Variants in EPHX1 observed in about 807,000 individuals in gnomAD.
EPHX1 encodes the protein epoxide hydrolase 1.
In EPHX1, 40 loss-of-function variants were observed where a neutral mutation model predicts 43.2. The observed-to-expected ratio is 0.93, with a 90% CI of 0.72 to 1.21. The LOEUF (loss-of-function observed/expected upper bound fraction) is 1.21. Among genes scored for constraint, EPHX1 ranks in the 50% most tolerant of loss-of-function variants. The pLI is 0.00. For missense variants in EPHX1, 550 were observed against 570.4 expected, an observed-to-expected ratio of 0.96 and a Z score of 0.36; for synonymous variants, 221 against 226.7, an observed-to-expected ratio of 0.98 and a Z score of 0.22.
chr1:225,838,618 C>G (rs750987129), intron 3 of EPHX1, 36 bp from the exon 4 acceptor site: 31 of 1,581,504 alleles, frequency 2.0e-5, no homozygotes, highest in Non-Finnish European at 2.6e-5. Context: ...AGGGTCTTCT[C>G]TCTCCCTCCA....
At chr1:225,842,327 C>T (rs1423300429) in intron 6 of EPHX1, 39 bp from the exon 7 acceptor site, 1 of 1,449,036 alleles carries the variant, frequency 6.9e-7, no homozygotes, top group Non-Finnish European at 9.7e-7. Flanking sequence ...CTCTGGTCCC[C>T]AGGCCTGAGT....
At chr1:225,831,486 G>T (rs1667585100) in intron 2 of EPHX1, among the ~76,000 whole-genome samples, 2 of 151,954 alleles carry the variant, frequency 1.3e-5, no homozygotes, top group Non-Finnish European at 2.9e-5. Flanking sequence ...GGTGGGGGTT[G>T]CAGTGGGCCG....
chr1:225,821,565 C>CTTTTTTTTTTTTTTTTTTTTTTT (rs869228485), intron 1 of EPHX1, among the ~76,000 whole-genome samples: 1 of 69,864 alleles, frequency 1.4e-5, no homozygotes, highest in Admixed American at 1.8e-4. Context: ...TTTTTTGGTT[C>CTTTTTTTTTTTTTTTTTTTTTTT]TTTTTTTTTT....
rs1575968075 is a variant in EPHX1 at position 225,810,959 on chromosome 1, G to T, written c.-6+790G>T. On this transcript the variant is annotated intron_variant, in intron 1 of 8. Coordinates refer to ENST00000272167, the MANE Select transcript of EPHX1 (RefSeq NM_001136018.4). ...AGGCCACAGGGGATATGATGGCTTA[G>T]CTTCGGCTCAGAGGCCTGACACTGA... 2.0e-5 allele frequency among the ~76,000 whole-genome samples: 3 copies of T among 152,212 alleles called. No homozygotes were observed. In the East Asian group the frequency reaches 5.8e-4, roughly 29 times the overall value.
chr1:225,838,536 GGGGCGGC>G, intron 3 of EPHX1, 111 bp from the exon 4 acceptor site: 1 of 816,418 alleles, frequency 1.2e-6, no homozygotes, highest in Non-Finnish European at 2.0e-6. Flanking sequence ...ATACCATGAA[GGGGCGGC>G]GGGGGCACTA....
rs192682888 is a variant in EPHX1, at chr1:225,833,750, A to G, written c.364+1791A>G. ...ATGGAGCTTGTGGTGAGCTGAGATC[A>G]CACCACTGCACTCCAGCCTGGGCGA... On this transcript the variant is annotated intron_variant, in intron 3 of 8. Transcript: ENST00000272167. 8.1e-3 allele frequency among the ~76,000 whole-genome samples: 1,191 copies of G among 147,074 alleles called. 12 individuals are homozygous for G. The highest frequency in any genetic ancestry group is 0.012 in the Non-Finnish European group (826 of 67,132).
At chr1:225,824,954 C>T (rs1667160514) in intron 1 of EPHX1, among the ~76,000 whole-genome samples, 2 of 152,200 alleles carry the variant, frequency 1.3e-5, no homozygotes, top group Admixed American at 6.5e-5. Context: ...GCAGTAGAGC[C>T]TATTTGTAAT....
chr1:225,828,648 C>CT, intron 1 of EPHX1, 77 bp from the exon 2 acceptor site: 1 of 1,493,738 alleles, frequency 6.7e-7, no homozygotes. Context: ...AAAGAGCCTG[C>CT]TGGGGATCAG....
chr1:225,843,780 G>A (rs1021615937), intron 7 of EPHX1, among the ~76,000 whole-genome samples: 1 of 152,250 alleles, frequency 6.6e-6, no homozygotes, highest in Admixed American at 6.5e-5. Flanking sequence ...GGAGATGGAA[G>A]CACTTGGCCA....
intron 1 of EPHX1, among the ~76,000 whole-genome samples, chr1:225,818,153 G>A (rs1183106000): frequency 6.6e-6 from 1 of 152,180 alleles, no homozygotes; most frequent in African/African-American, 2.4e-5. Context: ...GGCTAAGTAG[G>A]TTATATTTAT....
chr1:225,812,566 A>G (rs1049178913), intron 1 of EPHX1, among the ~76,000 whole-genome samples: 2 of 152,202 alleles, frequency 1.3e-5, no homozygotes, highest in Non-Finnish European at 2.9e-5. Context: ...AGGTTCACCA[A>G]TGCACAGTGC....
At chr1:225,831,553 A>AAAAAAAG (rs201089310) in intron 2 of EPHX1, among the ~76,000 whole-genome samples, 47 of 114,352 alleles carry the variant, frequency 4.1e-4, no homozygotes, top group African/African-American at 1.2e-3. Context: ...TCTCAAAAAA[A>AAAAAAAG]AAAAAAGAAA....
Position 225,843,689 on chromosome 1 carries a change from CTG to C in EPHX1, c.1041-805_1041-804del, listed in dbSNP as rs369120691. 3.7e-3 allele frequency among the ~76,000 whole-genome samples: 565 copies of C among 152,286 alleles called. 4 individuals carry two copies. Among genetic ancestry groups the C allele is most frequent in the African/African-American group, 0.013 (530 of 41,540 alleles). On this transcript the variant is annotated intron_variant, in intron 7 of 8. Coordinates refer to ENST00000272167, the MANE Select transcript of EPHX1 (RefSeq NM_001136018.4). ...GAGCAGGAGGTAGACAGGATCAGAT[CTG>C]TGTTCTAGAAAGAACAGGAATACAC...
intron 3 of EPHX1, among the ~76,000 whole-genome samples, chr1:225,835,545 ATGCC>A (rs1424433518): frequency 6.6e-6 from 1 of 151,670 alleles, no homozygotes; most frequent in East Asian, 1.9e-4. Context: ...GCCCGCCACC[ATGCC>A]CAGCTAATTT....
chr1:225,837,945 A>AG (rs1264000118), intron 3 of EPHX1, among the ~76,000 whole-genome samples: 1 of 152,260 alleles, frequency 6.6e-6, no homozygotes, highest in East Asian at 1.9e-4. Flanking sequence ...AAAGTACATA[A>AG]AACTCAAAGA....
In EPHX1 at chr1:225,817,972, G is replaced by A. The variant is rs904605934; in HGVS notation, c.-6+7803G>A. On this transcript the variant is annotated intron_variant, in intron 1 of 8. Coordinates refer to ENST00000272167, the MANE Select transcript of EPHX1 (RefSeq NM_001136018.4). The surrounding 1 kb of genome is among the most constrained non-coding windows in gnomAD (Gnocchi z 5.7). ...AGGCGGTAGACCTGCCCTTTACTTTGTGTGGCCGGATCTGAGTCTGACCCC... is the reference window on the plus strand; with the variant it reads ...AGGCGGTAGACCTGCCCTTTACTTTATGTGGCCGGATCTGAGTCTGACCCC... 1.3e-5 allele frequency among the ~76,000 whole-genome samples: 2 copies of A among 152,160 alleles called. No homozygotes were observed. The highest frequency in any genetic ancestry group is 2.9e-5 in the Non-Finnish European group (2 of 68,044).
intron 3 of EPHX1, among the ~76,000 whole-genome samples, chr1:225,832,687 G>A (rs45473391): frequency 9.8e-4 from 150 of 152,340 alleles, no homozygotes; most frequent in African/African-American, 3.5e-3. Context: ...TCAGAATCCC[G>A]ATTCTCCAAA....
intron 3 of EPHX1, among the ~76,000 whole-genome samples, chr1:225,834,255 ATT>A (rs923511408): frequency 1.3e-5 from 2 of 150,920 alleles, no homozygotes; most frequent in African/African-American, 4.9e-5. Flanking sequence ...AAATACAAAA[ATT>A]AGCTGGGCAT....
chr1:225,833,568 G>A (rs1667738280), intron 3 of EPHX1, among the ~76,000 whole-genome samples: 1 of 152,066 alleles, frequency 6.6e-6, no homozygotes, highest in African/African-American at 2.4e-5. Flanking sequence ...GGCTGAGGCA[G>A]GTGGATCACG....
Sources: gnomAD v4.1 joint callset for allele counts (sites outside exome capture counted in the v4.1 genomes callset) on GRCh38, gnomAD v4.1.1 for gene constraint, Gnocchi (gnomAD v3.1) non-coding constraint, MANE v1.5 for transcripts, NCBI Gene and HGNC (gene_info 2026-07-23, HGNC 2026-07-21) for gene names.